Variants in MYO3B observed in about 807,000 individuals in gnomAD.
MYO3B encodes the protein myosin IIIB.
Under a neutral mutation model 174.6 loss-of-function variants are expected in MYO3B, and 156 were observed. That is an observed-to-expected ratio of 0.89 (90% CI 0.78 to 1.02). The LOEUF is 1.02. MYO3B is among the 50% of genes least tolerant of loss of function. MYO3B has a pLI of 0.00. For synonymous variants in MYO3B, 563 were observed against 569.1 expected (o/e 0.99, Z 0.15); for missense variants, 1,632 against 1,639.4 (o/e 1.00, Z 0.08).
At chr2:170,387,414 C>CCCT in intron 14 of MYO3B, 106 bp downstream of exon 14, 1 of 1,015,874 alleles carries the variant, frequency 9.8e-7, no homozygotes, top group South Asian at 1.6e-5. Flanking sequence ...CATTCCCCTA[C>CCCT]CCTCCCCAAG....
intron 8 of MYO3B, chr2:170,343,374 A>G: frequency 6.6e-6 from 1 of 150,622 alleles, no homozygotes; most frequent in Non-Finnish European, 1.5e-5. Context: ...GTTTGAGGTT[A>G]TAGTGAGCTA....
intron 1 of MYO3B, among the ~76,000 whole-genome samples, chr2:170,194,143 T>C (rs6753468): frequency 0.033 from 5,072 of 152,276 alleles, 273 homozygotes; most frequent in African/African-American, 0.11. Context: ...GTGTCTGTTG[T>C]TGTCTTTATA....
In MYO3B at chr2:170,236,042, G is replaced by C. The variant is rs757553236; in HGVS notation, c.655G>C (p.Val219Leu). The C allele has an allele frequency of 6.2e-7, 1 of 1,613,984 alleles. No homozygotes were observed. The highest frequency in any genetic ancestry group is 1.1e-5 in the South Asian group (1 of 90,992). The change falls in exon 7 of 35, where the codon GTC becomes CTC. Residue 219 changes from valine to leucine, a missense_variant. Val to Leu is a conservative substitution (Grantham distance 32, BLOSUM62 1). Coordinates refer to ENST00000408978, the MANE Select transcript of MYO3B (RefSeq NM_138995.5). ...CTCTTCCTATGACGCTCGCTGTGAC[G>C]TCTGGTCCTTGGGGATCACAGCTAT... ...YDSSYDARCD[V>L]WSLGITAIEL...
At chr2:170,324,311 G>T (rs116629329) in intron 7 of MYO3B, among the ~76,000 whole-genome samples, 1 of 152,108 alleles carries the variant, frequency 6.6e-6, no homozygotes, top group Admixed American at 6.5e-5. Flanking sequence ...GGTCAATAAA[G>T]GTTTACAAAA....
chr2:170,557,751 C>A (rs7578629), intron 32 of MYO3B, among the ~76,000 whole-genome samples: 101,569 of 151,852 alleles, frequency 0.67, 35,133 homozygotes, highest in Non-Finnish European at 0.76. Context: ...TGTGGGAGCT[C>A]CAACGGTGAT....
chr2:170,231,699 T>G (rs1453386725), intron 6 of MYO3B, among the ~76,000 whole-genome samples: 1 of 152,224 alleles, frequency 6.6e-6, no homozygotes, highest in Non-Finnish European at 1.5e-5. Context: ...CCTTAAGACC[T>G]TCTACAAAAC....
intron 32 of MYO3B, among the ~76,000 whole-genome samples, chr2:170,648,982 T>C (rs1348679202): frequency 5.4e-5 from 4 of 73,836 alleles, no homozygotes; most frequent in Non-Finnish European, 7.2e-5. Flanking sequence ...TATAAAATAA[T>C]ATATAATGTA....
At chr2:170,400,040 C>T (rs1245474506) in intron 16 of MYO3B, 148 bp from the exon 17 acceptor site, 2 of 990,834 alleles carry the variant, frequency 2.0e-6, no homozygotes, top group African/African-American at 1.6e-5. Flanking sequence ...CCTCTAACTG[C>T]AAAGAAGTTT....
In MYO3B at chr2:170,629,029, G is replaced by A. The variant is rs139999484; in HGVS notation, c.3734-22599G>A. On this transcript the variant is annotated intron_variant, in intron 32 of 34. Transcript: ENST00000408978. ...ATCAGAGTGAGCCCAACCGAAGAAC[G>A]TTAAGGACAGGATTCATCCATACCC... Among the ~76,000 whole-genome samples, 611 of 152,276 alleles carry A rather than the reference G, an allele frequency of 4.0e-3. 2 individuals carry two copies. Among genetic ancestry groups the A allele is most frequent in the Non-Finnish European group, 4.7e-3 (322 of 68,014 alleles).
At chr2:170,615,254 T>A (rs751846253) in intron 32 of MYO3B, among the ~76,000 whole-genome samples, 11 of 152,202 alleles carry the variant, frequency 7.2e-5, no homozygotes, top group Non-Finnish European at 1.3e-4. Flanking sequence ...CCAAACCCAC[T>A]TCTAGGCACT....
At chr2:170,333,043 T>A (rs1415258032) in intron 7 of MYO3B, among the ~76,000 whole-genome samples, 1 of 152,114 alleles carries the variant, frequency 6.6e-6, no homozygotes, top group Non-Finnish European at 1.5e-5. Flanking sequence ...TGGGGGTGAA[T>A]GAAGTCTATT....
intron 32 of MYO3B, among the ~76,000 whole-genome samples, chr2:170,557,364 C>T (rs535850190): frequency 1.5e-4 from 23 of 152,116 alleles, no homozygotes; most frequent in African/African-American, 5.5e-4. Flanking sequence ...TGGTCTCCAT[C>T]TCCTGACCTC....
intron 7 of MYO3B, among the ~76,000 whole-genome samples, chr2:170,278,140 T>C (rs1465823383): frequency 1.3e-5 from 2 of 152,172 alleles, no homozygotes; most frequent in African/African-American, 4.8e-5. Flanking sequence ...TTATGATTAT[T>C]TGGAGACAAT....
chr2:170,520,255 A>G (rs1233161497), intron 30 of MYO3B, among the ~76,000 whole-genome samples: 1 of 152,016 alleles, frequency 6.6e-6, no homozygotes, highest in Non-Finnish European at 1.5e-5. Context: ...TCCCCGCAGC[A>G]AAGAATTGTC....
chr2:170,521,083 A>G (rs1193626552), intron 30 of MYO3B, among the ~76,000 whole-genome samples: 1 of 152,220 alleles, frequency 6.6e-6, no homozygotes, highest in Non-Finnish European at 1.5e-5. Flanking sequence ...GAAAGTCTTA[A>G]TTTACAATTT....
intron 9 of MYO3B, among the ~76,000 whole-genome samples, chr2:170,377,630 A>G (rs2094304457): frequency 6.6e-6 from 1 of 152,180 alleles, no homozygotes; most frequent in African/African-American, 2.4e-5. Flanking sequence ...AGCAAACTCC[A>G]GGAACCAGTC....
chr2:170,225,729 C>A (rs981067133), intron 6 of MYO3B, among the ~76,000 whole-genome samples: 1 of 152,040 alleles, frequency 6.6e-6, no homozygotes, highest in Non-Finnish European at 1.5e-5. Flanking sequence ...CCCATATAAC[C>A]AGTAACCTCA....
chr2:170,429,470 C>G (rs1453306326), intron 22 of MYO3B, among the ~76,000 whole-genome samples: 1 of 152,186 alleles, frequency 6.6e-6, no homozygotes, highest in Non-Finnish European at 1.5e-5. Flanking sequence ...GCCTTCTTCC[C>G]CATATTTTCT....
chr2:170,358,146 C>G (rs1232678371), intron 8 of MYO3B, among the ~76,000 whole-genome samples: 1 of 146,922 alleles, frequency 6.8e-6, no homozygotes, highest in Non-Finnish European at 1.5e-5. Flanking sequence ...GAGTGAAACT[C>G]CTTCTCAAAA....
Sources: gnomAD v4.1 joint callset for allele counts (sites outside exome capture counted in the v4.1 genomes callset) on GRCh38, gnomAD v4.1.1 for gene constraint, MANE v1.5 for transcripts, NCBI Gene and HGNC (gene_info 2026-07-23, HGNC 2026-07-21) for gene names.